COPS4: variants seen among roughly 807,000 people sequenced by gnomAD.
The protein encoded by COPS4 is COP9 signalosome complex subunit 4.
COPS4 carries 8 observed loss-of-function variants against 55.1 expected under a neutral mutation model. The ratio of observed to expected loss-of-function variants is 0.15; its 90% CI spans 0.09 to 0.26. COPS4 has a LOEUF of 0.26. Among genes scored for constraint, COPS4 ranks in the 10% least tolerant of loss-of-function variants. COPS4 has a pLI of 1.00. For missense variants in COPS4, 248 were observed against 484.0 expected, an observed-to-expected ratio of 0.51 and a Z score of 4.58; for synonymous variants, 185 against 165.7, an observed-to-expected ratio of 1.12 and a Z score of -0.90.
chr4:83,045,929 G>A (rs1003368228), intron 2 of COPS4, among the ~76,000 whole-genome samples: 2 of 152,118 alleles, frequency 1.3e-5, no homozygotes, highest in African/African-American at 4.8e-5. Context: ...TAGCTGATAA[G>A]GGACAATATA....
chr4:83,049,740 C>T (rs1730814240), intron 3 of COPS4, 141 bp from the exon 4 acceptor site: 1 of 565,716 alleles, frequency 1.8e-6, no homozygotes, highest in African/African-American at 1.9e-5. Context: ...CGTAGGAAAA[C>T]TTGGGTGGTC....
chr4:83,062,046 T>G (rs761179258), intron 6 of COPS4, among the ~76,000 whole-genome samples: 1 of 152,186 alleles, frequency 6.6e-6, no homozygotes, highest in Non-Finnish European at 1.5e-5. Flanking sequence ...TTTAGGCCCT[T>G]TTGGTATAAA....
chr4:83,039,870 C>T (rs1730514751), intron 1 of COPS4, among the ~76,000 whole-genome samples: 1 of 152,142 alleles, frequency 6.6e-6, no homozygotes. Flanking sequence ...CTCCTGGGCT[C>T]AAGGGATTCT....
At chr4:83,063,985 C>G (rs1170460504) in intron 7 of COPS4, among the ~76,000 whole-genome samples, 1 of 152,198 alleles carries the variant, frequency 6.6e-6, no homozygotes, top group Non-Finnish European at 1.5e-5. Flanking sequence ...CAGGCGTGAG[C>G]CACAGTGCCT....
At chr4:83,050,284 T>C (rs1285388583) in intron 4 of COPS4, among the ~76,000 whole-genome samples, 2 of 151,922 alleles carry the variant, frequency 1.3e-5, no homozygotes, top group Non-Finnish European at 2.9e-5. Context: ...CACCAGATAC[T>C]CTTGTTGTTG....
At chr4:83,067,028 T>A (rs1481510600) in intron 8 of COPS4, among the ~76,000 whole-genome samples, 1 of 152,168 alleles carries the variant, frequency 6.6e-6, no homozygotes. Flanking sequence ...TCGCATCCCT[T>A]TTTCTCTGGC....
chr4:83,044,440 A>C (rs1230564458), intron 1 of COPS4, among the ~76,000 whole-genome samples: 1 of 100,874 alleles, frequency 9.9e-6, no homozygotes, highest in Non-Finnish European at 2.1e-5. Context: ...GCAAGACTCC[A>C]TCTCAAAAAA....
chr4:83,072,114 C>T (rs1217758312), intron 9 of COPS4, among the ~76,000 whole-genome samples: 5 of 151,592 alleles, frequency 3.3e-5, no homozygotes, highest in Admixed American at 6.6e-5. Flanking sequence ...GAGTTTCTTT[C>T]GCTCTTGTTG....
chr4:83,063,354 C>T, intron 7 of COPS4, 108 bp downstream of exon 7: 3 of 716,214 alleles, frequency 4.2e-6, no homozygotes, highest in Non-Finnish European at 6.2e-6. Flanking sequence ...CATAACACTT[C>T]CTCATAAAAA....
chr4:83,057,210 T>C (rs1257982754), intron 5 of COPS4, 48 bp from the exon 6 acceptor site: 4 of 1,548,800 alleles, frequency 2.6e-6, no homozygotes, highest in Non-Finnish European at 3.5e-6. Flanking sequence ...TTTGTTTAAC[T>C]CTTGCTTTTT....
In COPS4 at chr4:83,066,507, T is replaced by C. The variant is rs759888167; in HGVS notation, c.956T>C (p.Ile319Thr). The change falls in exon 8 of 10, where the codon ATT (isoleucine) becomes ACT (threonine). Residue 319 changes from isoleucine (I) to threonine (T), a missense_variant. Coordinates refer to ENST00000264389, the MANE Select transcript of COPS4 (RefSeq NM_016129.3). ...LLSASKLYNNITFEELGALLE... is the reference protein window; with the variant it reads ...LLSASKLYNNTTFEELGALLE... ...TCTGCAAGCAAATTATATAATAATA[T>C]TACCTTCGAAGAACTTGGAGCTCTT... The C allele has an allele frequency of 6.2e-7, 1 of 1,601,946 alleles. No homozygotes were observed. The highest frequency in any genetic ancestry group is 1.1e-5 in the South Asian group (1 of 87,456).
chr4:83,048,000 CA>C (rs35915211), intron 2 of COPS4, among the ~76,000 whole-genome samples: 1,448 of 77,762 alleles, frequency 0.019, 17 homozygotes, highest in Non-Finnish European at 0.029. Context: ...GACTCAGTCT[CA>C]AAAAAAAAAA....
intron 4 of COPS4, among the ~76,000 whole-genome samples, chr4:83,051,508 G>T (rs1730889365): frequency 6.6e-6 from 1 of 152,154 alleles, no homozygotes; most frequent in African/African-American, 2.4e-5. Context: ...TTAAGGTAGA[G>T]TAAGGATTTC....
intron 9 of COPS4, chr4:83,073,445 A>T (rs1044287367): frequency 2.5e-6 from 1 of 406,802 alleles, no homozygotes; most frequent in African/African-American, 2.0e-5. Flanking sequence ...TTTCAGAATT[A>T]TCTTGGCCAT....
intron 9 of COPS4, among the ~76,000 whole-genome samples, chr4:83,072,862 C>G (rs1731470989): frequency 6.6e-6 from 1 of 152,076 alleles, no homozygotes; most frequent in African/African-American, 2.4e-5. Context: ...CTGCTTCCCA[C>G]TCCTTTTTTT....
intron 1 of COPS4, among the ~76,000 whole-genome samples, chr4:83,039,891 C>T (rs1730515380): frequency 6.6e-6 from 1 of 152,132 alleles, no homozygotes; most frequent in African/African-American, 2.4e-5. Flanking sequence ...CCTGCCTCGG[C>T]CTACAAAAGT....
At chr4:83,042,190 T>C (rs1730586864) in intron 1 of COPS4, among the ~76,000 whole-genome samples, 1 of 152,182 alleles carries the variant, frequency 6.6e-6, no homozygotes, top group Admixed American at 6.5e-5. Flanking sequence ...ACTTGACATA[T>C]TAACTTTTTA....
intron 7 of COPS4, among the ~76,000 whole-genome samples, chr4:83,065,524 C>T (rs1303168642): frequency 6.6e-6 from 1 of 152,126 alleles, no homozygotes. Flanking sequence ...TTGAAGTCTC[C>T]AAGTATATTT....
At chr4:83,055,497 G>A (rs182837183) in intron 4 of COPS4, among the ~76,000 whole-genome samples, 162 of 150,634 alleles carry the variant, frequency 1.1e-3, no homozygotes, top group Non-Finnish European at 1.3e-3. Context: ...AGGCTGGAGT[G>A]CAGTGGCATG....
Sources: allele counts gnomAD v4.1 joint callset (sites outside exome capture counted in the v4.1 genomes callset), GRCh38; gene constraint gnomAD v4.1.1; transcripts MANE v1.5; gene names NCBI Gene and HGNC (gene_info 2026-07-23, HGNC 2026-07-21).